The following CRYBB2 variants were observed in gnomAD, a reference collection of about 807,000 sequenced individuals.
CRYBB2 encodes beta-crystallin B2.
A neutral mutation model predicts 24.3 loss-of-function variants in CRYBB2; 12 were observed. That is an observed-to-expected ratio of 0.49 (90% CI 0.32 to 0.80). CRYBB2 has a LOEUF of 0.80. Among genes scored for constraint, CRYBB2 ranks in the 30% least tolerant of loss-of-function variants. The pLI, the probability that CRYBB2 is intolerant of heterozygous loss-of-function variation, is 0.04. For missense variants in CRYBB2, 198 were observed against 268.5 expected (o/e 0.74, Z 1.83); for synonymous variants, 98 against 101.6 (o/e 0.96, Z 0.21).
upstream of CRYBB2, among the ~76,000 whole-genome samples, chr22:25,215,318 G>A (rs1272090123): frequency 2.6e-5 from 4 of 152,238 alleles, no homozygotes; most frequent in Non-Finnish European, 5.9e-5. Context: ...TGTGCCTTAA[G>A]GATATGCTCC....
chr22:25,214,653 C>T (rs750187239), upstream of CRYBB2, among the ~76,000 whole-genome samples: 6 of 152,128 alleles, frequency 3.9e-5, no homozygotes, highest in East Asian at 1.9e-4. Context: ...TTGTAAGAGC[C>T]GCTACTGAGG....
intron 4 of CRYBB2, among the ~76,000 whole-genome samples, chr22:25,228,991 G>GGT (rs1292102349): frequency 7.4e-5 from 11 of 149,246 alleles, no homozygotes; most frequent in African/African-American, 2.5e-4. Context: ...CGCATGTGTG[G>GGT]GTGTGCGTGT....
At chr22:25,218,705 G>GGA (rs1935227510), upstream of CRYBB2, among the ~76,000 whole-genome samples, 2 of 47,290 alleles carry the variant, frequency 4.2e-5, no homozygotes, top group African/African-American at 3.7e-4. Context: ...AGAGAGAGAG[G>GGA]GGGAGAGAGA....
Position 25,222,555 on chromosome 22 carries a change from A to G in CRYBB2, c.54+1072A>G, listed in dbSNP as rs555835840. Among the ~76,000 whole-genome samples the G allele has an allele frequency of 3.3e-5, 5 of 152,314 alleles. No individual in the cohort carries two copies. In the East Asian group the frequency reaches 7.7e-4, roughly 24 times the overall value. Reference sequence around the variant, plus strand: ...AAAGTTTGAGCCCAGCCTGGGCAACATAGTGAGATCCCATCTCCACAGAAA... The same window carrying G: ...AAAGTTTGAGCCCAGCCTGGGCAACGTAGTGAGATCCCATCTCCACAGAAA... On this transcript the variant is annotated intron_variant, in intron 2 of 5. Transcript: ENST00000398215.
chr22:25,221,746 C>A (rs1935326020), intron 2 of CRYBB2, among the ~76,000 whole-genome samples: 1 of 152,186 alleles, frequency 6.6e-6, no homozygotes, highest in Admixed American at 6.5e-5. Context: ...TTTTGCCACA[C>A]CCTATTGTCT....
intron 2 of CRYBB2, among the ~76,000 whole-genome samples, chr22:25,223,949 T>C (rs1295688374): frequency 6.6e-6 from 1 of 151,826 alleles, no homozygotes; most frequent in Non-Finnish European, 1.5e-5. Context: ...TGAAACCCCA[T>C]CTCTACTAAA....
intron 1 of CRYBB2, among the ~76,000 whole-genome samples, chr22:25,219,962 G>T (rs1294437453): frequency 6.6e-6 from 1 of 152,092 alleles, no homozygotes; most frequent in African/African-American, 2.4e-5. Context: ...GCCAGTCGCT[G>T]AGGAGGAGAA....
Position 25,231,750 on chromosome 22 carries a change from G to T in CRYBB2, c.596G>T (p.Gly199Val). ...RIRDMQWHQR[G>V]AFHPSN The stretch of plus-strand genomic sequence containing the variant: ...CGCGACATGCAGTGGCACCAACGTG[G>T]TGCCTTCCACCCCTCCAACTAGTGC... The change falls in exon 6 of 6, where the codon GGT becomes GTT. Residue 199 changes from glycine (G) to valine (V), a missense_variant. Coordinates refer to ENST00000398215, the MANE Select transcript of CRYBB2 (RefSeq NM_000496.3). The T allele has an allele frequency of 6.2e-7, 1 of 1,614,100 alleles. No individual in the cohort carries two copies. The highest frequency in any genetic ancestry group is 8.5e-7 in the Non-Finnish European group (1 of 1,180,014).
chr22:25,213,549 T>C (rs971987379), intron 1 of CRYBB2: 2 of 152,196 alleles, frequency 1.3e-5, no homozygotes, highest in South Asian at 2.1e-4. Context: ...CATTTTGCAA[T>C]GTTGCCATCT....
At chr22:25,229,721 A>G in intron 5 of CRYBB2, 143 bp downstream of exon 5, 1 of 1,076,054 alleles carries the variant, frequency 9.3e-7, no homozygotes, top group Non-Finnish European at 1.4e-6. Flanking sequence ...TGGAAAGTAA[A>G]TGGGAATTCT....
At chr22:25,230,247 C>G (rs1017517617) in intron 5 of CRYBB2, among the ~76,000 whole-genome samples, 14 of 150,150 alleles carry the variant, frequency 9.3e-5, no homozygotes, top group Non-Finnish European at 1.9e-4. Flanking sequence ...ACCTCCGCCT[C>G]CCAGGTTCAA....
At chr22:25,218,941 G>T (rs187459581), upstream of CRYBB2, among the ~76,000 whole-genome samples, 185 of 152,258 alleles carry the variant, frequency 1.2e-3, no homozygotes, top group African/African-American at 4.4e-3. Context: ...ATCAGGCCCT[G>T]CCCACCTTGG....
rs1412164089 is a variant in CRYBB2 at position 25,229,438 on chromosome 22, C to T, written c.309C>T (p.Asp103=). ...SLSSLRPIKV[D]SQEHKIILYE... ...TTCCCCCCATCCTCTGCCAATAGGA[C>T]AGCCAAGAGCACAAGATCATCCTCT... The change falls in exon 5 of 6, where the codon GAC becomes GAT. Residue 103 remains aspartate, a splice_region_variant and synonymous_variant. Transcript: ENST00000398215. 2.5e-6 allele frequency: 4 copies of T among 1,608,606 alleles called. No individual in the cohort carries two copies. The highest frequency in any genetic ancestry group is 1.7e-4 in the Middle Eastern group (1 of 6,012).
At position 25,229,394 on chromosome 22, in the gene CRYBB2, C is replaced by T. The variant is rs550281500; in HGVS notation, c.307-42C>T. 19 of 1,560,416 alleles carry T rather than the reference C, an allele frequency of 1.2e-5. No individual in the cohort carries two copies. The South Asian group carries it at 2.1e-4, about 17-fold the overall frequency. ...ATGGGGTGGGAAGGCCAACCCTGGG[C>T]CCCCTCACCCATACTCACTTCCCCC... On this transcript the variant is annotated intron_variant, in intron 4 of 5. Transcript: ENST00000398215.
chr22:25,227,812 G>A (rs1431952896), intron 3 of CRYBB2, 41 bp from the exon 4 acceptor site: 7 of 1,613,574 alleles, frequency 4.3e-6, no homozygotes, highest in Non-Finnish European at 5.1e-6. Flanking sequence ...GAAGCTTGGA[G>A]TGGAACTGAC....
upstream of CRYBB2, among the ~76,000 whole-genome samples, chr22:25,218,802 GAAAGAA>G (rs1569016355): frequency 9.1e-6 from 1 of 110,308 alleles, no homozygotes; most frequent in Non-Finnish European, 1.8e-5. Flanking sequence ...AAGAAAGAAA[GAAAGAA>G]AGAAAGAAAG....
At chr22:25,214,770 A>G (rs1193724576), upstream of CRYBB2, among the ~76,000 whole-genome samples, 1 of 152,342 alleles carries the variant, frequency 6.6e-6, no homozygotes, top group East Asian at 1.9e-4. Context: ...AGGTAAGAGA[A>G]GAGAAGTAGG....
chr22:25,212,701 A>T (rs561546269), exon 1 of CRYBB2: 1 of 152,180 alleles, frequency 6.6e-6, no homozygotes, highest in Non-Finnish European at 1.5e-5. Flanking sequence ...CCACATGCCT[A>T]TGTGCCTGGA....
At chr22:25,213,234 T>A (rs1935127853) in intron 1 of CRYBB2, 2 of 152,196 alleles carry the variant, frequency 1.3e-5, no homozygotes, top group Non-Finnish European at 2.9e-5. Context: ...GAACACCTTT[T>A]GATGATCTCA....
Sources: allele counts gnomAD v4.1 joint callset (sites outside exome capture counted in the v4.1 genomes callset), GRCh38; gene constraint gnomAD v4.1.1; transcripts MANE v1.5; gene names NCBI Gene and HGNC (gene_info 2026-07-23, HGNC 2026-07-21).